Variants in UBE2K observed in about 807,000 individuals in gnomAD.
UBE2K encodes the protein ubiquitin conjugating enzyme E2 K.
UBE2K carries 6 observed loss-of-function variants against 30.0 expected under a neutral mutation model. That is an observed-to-expected ratio of 0.20 (90% CI 0.11 to 0.39). The LOEUF (loss-of-function observed/expected upper bound fraction) is 0.39. Among genes scored for constraint, UBE2K ranks in the 10% least tolerant of loss-of-function variants. The pLI is 1.00. For missense variants in UBE2K, 61 were observed against 241.6 expected (o/e 0.25, Z 4.96); for synonymous variants, 86 against 83.7 (o/e 1.03, Z -0.15).
At position 39,758,898 on chromosome 4, in the gene UBE2K, C is replaced by T. The variant is rs539234521; in HGVS notation, c.299+3159C>T. Reference sequence around the variant, plus strand: ...TGCAGGAACAAAACATTTTTTACATCAACTATTCCCTTTTCCTAAGGCAGG... The same window carrying T: ...TGCAGGAACAAAACATTTTTTACATTAACTATTCCCTTTTCCTAAGGCAGG... On this transcript the variant is annotated intron_variant, in intron 4 of 6. Transcript: ENST00000261427. Among the ~76,000 whole-genome samples the T allele has an allele frequency of 1.2e-4, 18 of 152,250 alleles. No homozygotes were observed. In the South Asian group the frequency reaches 1.9e-3, roughly 16 times the overall value.
chr4:39,761,520 T>C (rs939244438), intron 4 of UBE2K, among the ~76,000 whole-genome samples: 1 of 152,230 alleles, frequency 6.6e-6, no homozygotes, highest in Non-Finnish European at 1.5e-5. Context: ...TATGTCTTAC[T>C]GATTTGAGAC....
chr4:39,705,114 G>A (rs1242279554), intron 1 of UBE2K, among the ~76,000 whole-genome samples: 1 of 151,104 alleles, frequency 6.6e-6, no homozygotes, highest in Non-Finnish European at 1.5e-5. Context: ...GGCCAGGCTG[G>A]TCTCGAGCTC....
At chr4:39,750,782 G>A (rs2109366912) in intron 3 of UBE2K, among the ~76,000 whole-genome samples, 1 of 147,634 alleles carries the variant, frequency 6.8e-6, no homozygotes, top group Admixed American at 6.8e-5. Flanking sequence ...GTCTTGCTGT[G>A]TTGCCCAGGC....
chr4:39,720,584 G>A (rs1719365006), intron 1 of UBE2K, among the ~76,000 whole-genome samples: 1 of 152,122 alleles, frequency 6.6e-6, no homozygotes, highest in African/African-American at 2.4e-5. Flanking sequence ...TGGAAGTTGG[G>A]TATTCTAGCC....
At chr4:39,764,238 TA>T (rs559666919) in intron 4 of UBE2K, among the ~76,000 whole-genome samples, 39 of 152,164 alleles carry the variant, frequency 2.6e-4, no homozygotes, top group Non-Finnish European at 5.3e-4. Context: ...GCCTGTAGTC[TA>T]AGGTGAGAAA....
intron 1 of UBE2K, among the ~76,000 whole-genome samples, chr4:39,701,131 A>C (rs1717986225): frequency 6.6e-6 from 1 of 151,354 alleles, no homozygotes; most frequent in Non-Finnish European, 1.5e-5. Flanking sequence ...GAAATTTGTC[A>C]GATGTTTCTT....
In UBE2K at chr4:39,782,493, T is replaced by C. The variant is rs1713672680; in HGVS notation, c.*4059T>C. ...TGCCATTATAGGGAACCTTGCTTGT[T>C]AGCTTCTCTAGATCTCTATTCTAAA... On this transcript the variant is annotated 3_prime_UTR_variant, in exon 7 of 7. Transcript: ENST00000261427. 6.6e-6 allele frequency: 1 copy of C among 152,184 alleles called. No homozygotes were observed. Among genetic ancestry groups the C allele is most frequent in the African/African-American group, 2.4e-5 (1 of 41,438 alleles). 9.4% of individuals were successfully genotyped at this position (152,184 alleles called of 1,614,324 possible). A position where few individuals can be genotyped will look rare whatever the true frequency, so the allele number is the denominator to read the frequency against.
At chr4:39,721,236 A>G (rs1190397435) in intron 1 of UBE2K, among the ~76,000 whole-genome samples, 1 of 152,352 alleles carries the variant, frequency 6.6e-6, no homozygotes, top group Non-Finnish European at 1.5e-5. Flanking sequence ...AAAGTTGATT[A>G]GACAACTAGC....
At position 39,780,491 on chromosome 4, in the gene UBE2K, ACATGCT is replaced by A. The variant is rs1295431635; in HGVS notation, c.*2059_*2064del. 1 of 152,246 alleles carries A rather than the reference ACATGCT, an allele frequency of 6.6e-6. No individual in the cohort carries two copies. Among genetic ancestry groups the A allele is most frequent in the African/African-American group, 2.4e-5 (1 of 41,570 alleles). The allele number at this position is 152,246 out of a possible 1,614,324, so 9.4% of individuals were successfully genotyped here. A position where few individuals can be genotyped will look rare whatever the true frequency, so the allele number is the denominator to read the frequency against. ...AAGCATTTTACATATATACATACAT[ACATGCT>A]CTTGGAGGCAGCTATATCCTGCTTT... On this transcript the variant is annotated 3_prime_UTR_variant, in exon 7 of 7. Coordinates refer to ENST00000261427, the MANE Select transcript of UBE2K (RefSeq NM_005339.5).
chr4:39,760,195 G>GAAAAAAAAAAAAAAACA (rs1711824669), intron 4 of UBE2K, among the ~76,000 whole-genome samples: 1 of 102,584 alleles, frequency 9.7e-6, no homozygotes, highest in African/African-American at 3.9e-5. Context: ...AAAAAAAACA[G>GAAAAAAAAAAAAAAACA]AAAAAAAAAA....
intron 4 of UBE2K, among the ~76,000 whole-genome samples, chr4:39,768,982 C>T (rs192194083): frequency 2.6e-4 from 39 of 152,188 alleles, no homozygotes; most frequent in Non-Finnish European, 4.7e-4. Context: ...TGCACTATCA[C>T]GGCCAGAAAA....
In UBE2K at chr4:39,732,355, A is replaced by T. The variant is rs182913491; in HGVS notation, c.64-5065A>T. ...AATCTTCCAGTGTTTAGTTTTTCCC[A>T]CTAGAATGTAAGCTCCAAGTGGGCA... On this transcript the variant is annotated intron_variant, in intron 1 of 6. Coordinates refer to ENST00000261427, the MANE Select transcript of UBE2K (RefSeq NM_005339.5). Among the ~76,000 whole-genome samples, 113 of 152,324 alleles carry T rather than the reference A, an allele frequency of 7.4e-4. 5 individuals carry two copies. In the East Asian group the frequency reaches 0.014, roughly 18 times the overall value.
chr4:39,764,188 G>A (rs1403351667), intron 4 of UBE2K, among the ~76,000 whole-genome samples: 2 of 152,168 alleles, frequency 1.3e-5, no homozygotes, highest in African/African-American at 4.8e-5. Flanking sequence ...GACCCTGTCT[G>A]TACAAAAAAT....
intron 2 of UBE2K, among the ~76,000 whole-genome samples, chr4:39,744,823 C>G (rs1021632670): frequency 6.6e-6 from 1 of 150,816 alleles, no homozygotes; most frequent in Non-Finnish European, 1.5e-5. Context: ...AGGAGAATGG[C>G]GTGAACCCGG....
intron 1 of UBE2K, among the ~76,000 whole-genome samples, chr4:39,718,317 GAC>G (rs1719219904): frequency 6.6e-6 from 1 of 152,198 alleles, no homozygotes; most frequent in Non-Finnish European, 1.5e-5. Flanking sequence ...CCCTGAGCTA[GAC>G]ACAGAGTGCT....
intron 3 of UBE2K, among the ~76,000 whole-genome samples, chr4:39,751,279 A>C (rs371163308): frequency 3.2e-4 from 48 of 152,284 alleles, no homozygotes; most frequent in South Asian, 1.0e-3. Flanking sequence ...TATAGATTAT[A>C]GTACAAAGTA....
At chr4:39,759,667 G>C (rs971068719) in intron 4 of UBE2K, among the ~76,000 whole-genome samples, 1 of 152,060 alleles carries the variant, frequency 6.6e-6, no homozygotes, top group African/African-American at 2.4e-5. Context: ...TATGACTAAT[G>C]GTGTCTACTT....
intron 4 of UBE2K, among the ~76,000 whole-genome samples, chr4:39,757,457 G>C (rs964804197): frequency 1.5e-5 from 1 of 64,810 alleles, no homozygotes; most frequent in African/African-American, 8.9e-5. Flanking sequence ...TAGAGTTACA[G>C]GTTTTGTTTT....
rs145938683 is a variant in UBE2K at position 39,731,184 on chromosome 4, C to T, written c.64-6236C>T. ...CTGGGATTACAGGCATGAGCCACGGCGCCCGGCCATCTTGTACTCTTTTCA... is the reference window on the plus strand; with the variant it reads ...CTGGGATTACAGGCATGAGCCACGGTGCCCGGCCATCTTGTACTCTTTTCA... On this transcript the variant is annotated intron_variant, in intron 1 of 6. Coordinates refer to ENST00000261427, the MANE Select transcript of UBE2K (RefSeq NM_005339.5). Among the ~76,000 whole-genome samples, 1,054 of 151,980 alleles carry T rather than the reference C, an allele frequency of 6.9e-3. 14 individuals carry two copies. The highest frequency in any genetic ancestry group is 0.024 in the African/African-American group (996 of 41,448).
Sources: gnomAD v4.1 joint callset for allele counts (sites outside exome capture counted in the v4.1 genomes callset) on GRCh38, gnomAD v4.1.1 for gene constraint, MANE v1.5 for transcripts, NCBI Gene and HGNC (gene_info 2026-07-23, HGNC 2026-07-21) for gene names.